Variants in NAALADL2 observed in about 807,000 individuals in gnomAD.
NAALADL2 encodes the protein N-acetylated alpha-linked acidic dipeptidase like 2, also known as inactive N-acetylated-alpha-linked acidic dipeptidase-like protein 2.
Under a neutral mutation model 87.2 loss-of-function variants are expected in NAALADL2, and 76 were observed. That is an observed-to-expected ratio of 0.87 (90% CI 0.72 to 1.05). NAALADL2 has a LOEUF of 1.05. Among genes scored for constraint, NAALADL2 ranks in the 50% least tolerant of loss-of-function variants. The pLI, the probability that NAALADL2 is intolerant of heterozygous loss-of-function variation, is 0.00. For synonymous variants in NAALADL2, 354 were observed against 331.0 expected, an observed-to-expected ratio of 1.07 and a Z score of -0.75; for missense variants, 1,089 against 945.8, an observed-to-expected ratio of 1.15 and a Z score of -1.99.
At chr3:175,370,732 C>T (rs1766372847) in intron 5 of NAALADL2, among the ~76,000 whole-genome samples, 1 of 152,168 alleles carries the variant, frequency 6.6e-6, no homozygotes, top group South Asian at 2.1e-4. Flanking sequence ...TTCGATGGTT[C>T]TGTGATATTT....
intron 2 of NAALADL2, among the ~76,000 whole-genome samples, chr3:174,732,329 G>A (rs531741294): frequency 6.6e-6 from 1 of 152,202 alleles, no homozygotes; most frequent in African/African-American, 2.4e-5. Context: ...TGGAAAATAA[G>A]TAGAAACTAG....
At chr3:174,749,122 C>T (rs1469784672) in intron 3 of NAALADL2, among the ~76,000 whole-genome samples, 2 of 147,774 alleles carry the variant, frequency 1.4e-5, no homozygotes, top group Non-Finnish European at 3.0e-5. Flanking sequence ...TTCTACCATG[C>T]CTAATCCCAA....
intron 11 of NAALADL2, chr3:175,674,998 A>G (rs1346199467): frequency 1.3e-5 from 2 of 152,194 alleles, no homozygotes; most frequent in Admixed American, 1.3e-4. Flanking sequence ...CAAACTTTCT[A>G]AGTAACTACT....
chr3:175,298,866 A>AT (rs1195695867), intron 4 of NAALADL2, among the ~76,000 whole-genome samples: 1 of 152,158 alleles, frequency 6.6e-6, no homozygotes, highest in Admixed American at 6.6e-5. Flanking sequence ...ATTGTTGTTT[A>AT]TTTTTATCCT....
chr3:175,072,172 A>G (rs1715774554), intron 1 of NAALADL2, among the ~76,000 whole-genome samples: 1 of 152,056 alleles, frequency 6.6e-6, no homozygotes, highest in Admixed American at 6.6e-5. Context: ...AGCTTTACAC[A>G]AAAAAGGACA....
At chr3:175,350,443 A>G (rs1276841888) in intron 5 of NAALADL2, among the ~76,000 whole-genome samples, 1 of 152,156 alleles carries the variant, frequency 6.6e-6, no homozygotes, top group Non-Finnish European at 1.5e-5. Context: ...TGTGTTCAGA[A>G]TGCACATGGG....
chr3:175,799,142 C>A (rs1175556445), intron 13 of NAALADL2, among the ~76,000 whole-genome samples: 5 of 151,876 alleles, frequency 3.3e-5, no homozygotes, highest in African/African-American at 1.2e-4. Context: ...TTAAAAATAT[C>A]GATTGTACTC....
intron 3 of NAALADL2, 121 bp downstream of exon 3, chr3:175,234,325 G>A (rs984501636): frequency 1.9e-6 from 2 of 1,056,156 alleles, no homozygotes; most frequent in African/African-American, 3.2e-5. Flanking sequence ...AATCTTTTCA[G>A]TGTGGAAGTG....
intron 13 of NAALADL2, among the ~76,000 whole-genome samples, chr3:175,767,375 A>C (rs534078790): frequency 6.6e-6 from 1 of 152,272 alleles, no homozygotes; most frequent in African/African-American, 2.4e-5. Context: ...TCCTTAAAAA[A>C]CTGCAACAAA....
chr3:175,671,841 C>T (rs1216707405), intron 11 of NAALADL2, among the ~76,000 whole-genome samples: 3 of 151,922 alleles, frequency 2.0e-5, no homozygotes, highest in Non-Finnish European at 2.9e-5. Flanking sequence ...ATTTTTCTTA[C>T]ATTTTCCAGA....
intron 1 of NAALADL2, among the ~76,000 whole-genome samples, chr3:174,875,986 G>GTT (rs539865859): frequency 2.8e-5 from 4 of 144,120 alleles, no homozygotes; most frequent in African/African-American, 1.0e-4. Flanking sequence ...GTGAAACCTT[G>GTT]TTTTTTTTTT....
intron 1 of NAALADL2, among the ~76,000 whole-genome samples, chr3:175,014,108 A>G (rs934728423): frequency 6.6e-6 from 1 of 152,114 alleles, no homozygotes; most frequent in African/African-American, 2.4e-5. Flanking sequence ...AAACACACAC[A>G]CAAACGTGTA....
intron 1 of NAALADL2, among the ~76,000 whole-genome samples, chr3:174,457,189 A>G (rs571086939): frequency 1.3e-5 from 2 of 152,310 alleles, no homozygotes; most frequent in South Asian, 4.1e-4. Context: ...CTATTACTAA[A>G]AAGTAAAAAA....
chr3:174,489,159 T>A (rs1273097034), intron 1 of NAALADL2, among the ~76,000 whole-genome samples: 3 of 152,104 alleles, frequency 2.0e-5, no homozygotes, highest in African/African-American at 7.2e-5. Context: ...GCAATATTTT[T>A]TTCTTAAATT....
intron 11 of NAALADL2, among the ~76,000 whole-genome samples, chr3:175,654,950 A>G (rs866259796): frequency 4.1e-5 from 6 of 148,050 alleles, no homozygotes; most frequent in East Asian, 3.9e-4. Context: ...TTTTTTTGCT[A>G]TGATGAATTG....
At chr3:175,243,321 A>AACACGC (rs1553830118) in intron 3 of NAALADL2, among the ~76,000 whole-genome samples, 6 of 144,648 alleles carry the variant, frequency 4.1e-5, no homozygotes, top group African/African-American at 1.5e-4. Flanking sequence ...TTTAGAAGGA[A>AACACGC]ACACACACAC....
intron 2 of NAALADL2, among the ~76,000 whole-genome samples, chr3:174,665,422 A>G (rs1382189291): frequency 6.6e-6 from 1 of 152,146 alleles, no homozygotes; most frequent in Non-Finnish European, 1.5e-5. Flanking sequence ...CTCTAATGTT[A>G]AGTGTTACTA....
Position 175,131,353 on chromosome 3 carries a change from T to G in NAALADL2, c.545+34062T>G, listed in dbSNP as rs573257836. On this transcript the variant is annotated intron_variant, in intron 2 of 13. Coordinates refer to ENST00000454872, the MANE Select transcript of NAALADL2 (RefSeq NM_207015.3). Reference sequence around the variant, plus strand: ...CTTGAGATTAGGGAGTGGTGATGACTCTTAATGAGCATGCTGCCTTCAAGC... The same window carrying G: ...CTTGAGATTAGGGAGTGGTGATGACGCTTAATGAGCATGCTGCCTTCAAGC... Among the ~76,000 whole-genome samples, 6 of 152,164 alleles carry G rather than the reference T, an allele frequency of 3.9e-5. 1 individual carries two copies. The South Asian group carries it at 1.2e-3, about 32-fold the overall frequency.
At chr3:174,606,304 A>G (rs1719055301) in intron 2 of NAALADL2, among the ~76,000 whole-genome samples, 2 of 152,242 alleles carry the variant, frequency 1.3e-5, no homozygotes, top group Non-Finnish European at 2.9e-5. Flanking sequence ...CCAGCAATGG[A>G]ACAAAGCTGG....
Sources: gnomAD v4.1 joint callset for allele counts (sites outside exome capture counted in the v4.1 genomes callset) on GRCh38, gnomAD v4.1.1 for gene constraint, MANE v1.5 for transcripts, NCBI Gene and HGNC (gene_info 2026-07-23, HGNC 2026-07-21) for gene names.